The following PNMT variants were observed in gnomAD, a reference collection of about 807,000 sequenced individuals.
PNMT encodes phenylethanolamine N-methyltransferase.
PNMT carries 18 observed loss-of-function variants against 18.9 expected under a neutral mutation model. The ratio of observed to expected loss-of-function variants is 0.95; its 90% CI spans 0.66 to 1.41. PNMT has a LOEUF of 1.41. Ranked by LOEUF, PNMT falls within the 40% of genes most tolerant of loss-of-function variation. The probability of loss-of-function intolerance (pLI) is 0.00; values close to 1 mark genes in which losing one functional copy is unlikely to be tolerated. For missense variants in PNMT, 378 were observed against 387.0 expected (o/e 0.98, Z 0.20); for synonymous variants, 167 against 168.6 (o/e 0.99, Z 0.08).
chr17:39,670,382 G>C lies in PNMT; in HGVS notation c.842G>C (p.Gly281Ala). The change falls in exon 3 of 3, where the codon GGG becomes GCG. Residue 281 changes from glycine (G) to alanine (A), a missense_variant. Transcript: ENST00000269582. ...TTCTTCGCCTGGGCTCAGAAGGTTGGGCTGTGAGGGCTGTACCTGGTGCCC... is the reference window on the plus strand; with the variant it reads ...TTCTTCGCCTGGGCTCAGAAGGTTGCGCTGTGAGGGCTGTACCTGGTGCCC... ...GVFFAWAQKVGL is the reference protein window; with the variant it reads ...GVFFAWAQKVAL The C allele has an allele frequency of 6.3e-7, 1 of 1,574,882 alleles. No individual in the cohort carries two copies. Among genetic ancestry groups the C allele is most frequent in the Non-Finnish European group, 8.6e-7 (1 of 1,158,580 alleles).
upstream of PNMT, chr17:39,668,446 G>T: frequency 7.4e-7 from 1 of 1,354,992 alleles, no homozygotes; most frequent in Non-Finnish European, 9.4e-7. Context: ...CGCGAGGCGA[G>T]CGGGGCACTG....
At position 39,670,042 on chromosome 17, in the gene PNMT, G is replaced by T; in HGVS notation, c.502G>T (p.Gly168Trp). 1.9e-6 allele frequency: 3 copies of T among 1,606,674 alleles called. No homozygotes were observed. The highest frequency in any genetic ancestry group is 2.5e-6 in the Non-Finnish European group (3 of 1,179,952). Residue 168 changes from glycine (G) to tryptophan (W), a missense_variant, in exon 3 of 3, where the codon GGG (glycine) becomes TGG (tryptophan). Physicochemically the swap from Gly to Trp is radical, Grantham distance 184. Transcript: ENST00000269582. ...GCACCAGCCCCAGCCCCTGGGTGCTGGGAGCCCAGCTCCCCTGCCTGCTGA... is the reference window on the plus strand; with the variant it reads ...GCACCAGCCCCAGCCCCTGGGTGCTTGGAGCCCAGCTCCCCTGCCTGCTGA... Reference protein sequence around the residue: ...DVHQPQPLGAGSPAPLPADAL... With the variant: ...DVHQPQPLGAWSPAPLPADAL...
chr17:39,668,373 C>A (rs2057271241), upstream of PNMT: 1 of 975,218 alleles, frequency 1.0e-6, no homozygotes, highest in Non-Finnish European at 1.4e-6. Flanking sequence ...GGCGGCTCGG[C>A]GGTCAGCTGC....
rs765116695 is a variant in PNMT, at chr17:39,670,109, A to T, written c.569A>T (p.Asp190Val). 1 of 1,610,792 alleles carries T rather than the reference A, an allele frequency of 6.2e-7. No individual in the cohort carries two copies. The highest frequency in any genetic ancestry group is 1.1e-5 in the South Asian group (1 of 91,078). Residue 190 changes from aspartate to valine, a missense_variant, in exon 3 of 3, where the codon GAT (aspartate) becomes GTT (valine). Transcript: ENST00000269582. ...SAFCLEAVSPDLASFQRALDH... is the reference protein window; with the variant it reads ...SAFCLEAVSPVLASFQRALDH... Reference sequence around the variant, plus strand: ...TTCTGCTTGGAGGCTGTGAGCCCAGATCTTGCCAGCTTTCAGCGGGCCCTG... The same window carrying T: ...TTCTGCTTGGAGGCTGTGAGCCCAGTTCTTGCCAGCTTTCAGCGGGCCCTG...
At chr17:39,669,558 A>G in intron 1 of PNMT, 71 bp from the exon 2 acceptor site, 4 of 1,022,828 alleles carry the variant, frequency 3.9e-6, no homozygotes, top group Non-Finnish European at 1.5e-6. Context: ...GATGCAGGGG[A>G]GGGAAGGGTA....
upstream of PNMT, chr17:39,668,446 G>C: frequency 2.2e-6 from 3 of 1,354,992 alleles, no homozygotes; most frequent in African/African-American, 1.5e-5. Flanking sequence ...CGCGAGGCGA[G>C]CGGGGCACTG....
chr17:39,669,557 GAGGGA>G (rs2057280858), intron 1 of PNMT, 67 bp from the exon 2 acceptor site: 1 of 1,023,766 alleles, frequency 9.8e-7, no homozygotes, highest in South Asian at 1.3e-5. Flanking sequence ...AGATGCAGGG[GAGGGA>G]AGGGTAAGGA....
chr17:39,669,111 G>C (rs1402758667), intron 1 of PNMT, among the ~76,000 whole-genome samples: 3 of 151,478 alleles, frequency 2.0e-5, no homozygotes, highest in Non-Finnish European at 4.4e-5. Flanking sequence ...ACGGAGTTTC[G>C]CTCTTGTTGC....
chr17:39,669,828 G>A lies in PNMT; in HGVS notation c.402G>A (p.Glu134=), dbSNP rs112409382. ...ACAGCCAACATGCCTGCCTCATTGA[G>A]GGCAAGGGGTAAGGACTGGGGGGTG... ...SMYSQHACLI[E]GKGECWQDKE... The change falls in exon 2 of 3, where the codon GAG becomes GAA. Residue 134 remains glutamate (E), a synonymous_variant. Transcript: ENST00000269582. 16 of 1,613,664 alleles carry A rather than the reference G, an allele frequency of 9.9e-6. No homozygotes were observed. Among genetic ancestry groups the A allele is most frequent in the African/African-American group, 5.3e-5 (4 of 75,028 alleles).
chr17:39,668,328 G>A (rs1353126710), upstream of PNMT: 3 of 556,342 alleles, frequency 5.4e-6, no homozygotes, highest in Admixed American at 4.4e-5. Flanking sequence ...GGAGATGGAT[G>A]AATGGGTGGG....
In PNMT at chr17:39,670,444, A is replaced by T; in HGVS notation, c.*55A>T. 7.4e-7 allele frequency: 1 copy of T among 1,346,566 alleles called. No individual in the cohort carries two copies. Among genetic ancestry groups the T allele is most frequent in the Admixed American group, 2.3e-5 (1 of 42,812 alleles). 83.4% of individuals were successfully genotyped at this position (1,346,566 alleles called of 1,614,324 possible). A position where few individuals can be genotyped will look rare whatever the true frequency, so the allele number is the denominator to read the frequency against. Reference sequence around the variant, plus strand: ...CCCACCTGGATTCCCTGTTCTTTGAAGTGGCACCTAATAAAGAAATAATAC... The same window carrying T: ...CCCACCTGGATTCCCTGTTCTTTGATGTGGCACCTAATAAAGAAATAATAC... On this transcript the variant is annotated 3_prime_UTR_variant, in exon 3 of 3. Coordinates refer to ENST00000269582, the MANE Select transcript of PNMT (RefSeq NM_002686.4).
rs377545756 is a variant in PNMT, at chr17:39,669,850, G to C, written c.410+14G>C. The C allele has an allele frequency of 5.6e-6, 9 of 1,609,204 alleles. No homozygotes were observed. Among genetic ancestry groups the C allele is most frequent in the African/African-American group, 1.3e-5 (1 of 74,856 alleles). Reference sequence around the variant, plus strand: ...TGAGGGCAAGGGGTAAGGACTGGGGGGTGAGGGTTGGGGAGGAGGCTTCCC... The same window carrying C: ...TGAGGGCAAGGGGTAAGGACTGGGGCGTGAGGGTTGGGGAGGAGGCTTCCC... On this transcript the variant is annotated intron_variant, in intron 2 of 2. Coordinates refer to ENST00000269582, the MANE Select transcript of PNMT (RefSeq NM_002686.4).
Position 39,668,562 on chromosome 17 carries a change from C to A in PNMT, c.87C>A (p.Arg29=). 1 of 1,578,784 alleles carries A rather than the reference C, an allele frequency of 6.3e-7. No homozygotes were observed. Among genetic ancestry groups the A allele is most frequent in the Non-Finnish European group, 8.6e-7 (1 of 1,169,224 alleles). The change falls in exon 1 of 3, where the codon CGC becomes CGA. Residue 29 remains arginine (R), a synonymous_variant. Coordinates refer to ENST00000269582, the MANE Select transcript of PNMT (RefSeq NM_002686.4). ...CGGCGGTGGCTTCGGCCTACCAGCG[C>A]TTCGAGCCGCGCGCCTACCTCCGCA... ...GQAAVASAYQ[R]FEPRAYLRNN... is the part of the protein sequence containing the mutation.
In PNMT at chr17:39,670,278, T is replaced by C. The variant is rs1283082098; in HGVS notation, c.738T>C (p.Ser246=). Residue 246 remains serine, a synonymous_variant, in exon 3 of 3, where the codon AGT becomes AGC. Coordinates refer to ENST00000269582, the MANE Select transcript of PNMT (RefSeq NM_002686.4). ...EEEVREALVR[S]GYKVRDLRTY... ...AGGTGAGGGAGGCCCTGGTGCGTAG[T>C]GGCTACAAGGTCCGGGACCTCCGCA... The C allele has an allele frequency of 2.5e-6, 4 of 1,609,744 alleles. No individual in the cohort carries two copies. In the Admixed American group the frequency reaches 5.0e-5, roughly 20 times the overall value.
rs757246042 is a variant in PNMT at position 39,669,649 on chromosome 17, CTCA to C, written c.226_228del (p.Ile76del). On this transcript the variant is annotated inframe_deletion, in exon 2 of 3. Transcript: ENST00000269582. Reference sequence around the variant, plus strand: ...CCCAGGTGAAGTGTCCGGACGCACCCTCATCGACATTGGTTCAGGCCCCACCGT... The same window carrying C: ...CCCAGGTGAAGTGTCCGGACGCACCCTCGACATTGGTTCAGGCCCCACCGT... 5.0e-6 allele frequency: 8 copies of C among 1,614,068 alleles called. No homozygotes were observed. In the South Asian group the frequency reaches 8.8e-5, roughly 18 times the overall value.
chr17:39,670,265 C>T lies in PNMT; in HGVS notation c.725C>T (p.Ala242Val). 6.2e-7 allele frequency: 1 copy of T among 1,609,236 alleles called. No individual in the cohort carries two copies. The highest frequency in any genetic ancestry group is 8.5e-7 in the Non-Finnish European group (1 of 1,178,466). Residue 242 changes from alanine to valine, a missense_variant, in exon 3 of 3, where the codon GCC becomes GTC. Ala to Val is a moderately conservative substitution (Grantham distance 64, BLOSUM62 0). Transcript: ENST00000269582. ...VPVSEEEVREALVRSGYKVRD... is the reference protein window; with the variant it reads ...VPVSEEEVREVLVRSGYKVRD... ...GTGTCTGAGGAGGAGGTGAGGGAGG[C>T]CCTGGTGCGTAGTGGCTACAAGGTC...
Position 39,670,129 on chromosome 17 carries a change from G to A in PNMT, c.589G>A (p.Ala197Thr). Residue 197 changes from alanine to threonine, a missense_variant, in exon 3 of 3, where the codon GCC becomes ACC. Transcript: ENST00000269582. ...CCCAGATCTTGCCAGCTTTCAGCGG[G>A]CCCTGGACCACATCACCACGCTGCT... ...VSPDLASFQR[A>T]LDHITTLLRP... is the part of the protein sequence containing the mutation. The A allele has an allele frequency of 1.9e-6, 3 of 1,611,426 alleles. No individual in the cohort carries two copies. Among genetic ancestry groups the A allele is most frequent in the Non-Finnish European group, 2.5e-6 (3 of 1,179,970 alleles).
At chr17:39,669,290 T>C (rs2057278462) in intron 1 of PNMT, among the ~76,000 whole-genome samples, 6 of 151,790 alleles carry the variant, frequency 4.0e-5, no homozygotes, top group Admixed American at 3.9e-4. Context: ...TCCATGTTGG[T>C]CAGGCTGGTC....
intron 1 of PNMT, among the ~76,000 whole-genome samples, chr17:39,669,142 G>A (rs1567866886): frequency 6.6e-6 from 1 of 152,038 alleles, no homozygotes; most frequent in Non-Finnish European, 1.5e-5. Flanking sequence ...GTACAATGGC[G>A]CCATCTCGGC....
Sources: gnomAD v4.1 joint callset for allele counts (sites outside exome capture counted in the v4.1 genomes callset) on GRCh38, gnomAD v4.1.1 for gene constraint, MANE v1.5 for transcripts, NCBI Gene and HGNC (gene_info 2026-07-23, HGNC 2026-07-21) for gene names.